The following GALNT1 variants were observed in gnomAD, a reference collection of about 807,000 sequenced individuals.
GALNT1 encodes the protein polypeptide N-acetylgalactosaminyltransferase 1.
Under a neutral mutation model 65.7 loss-of-function variants are expected in GALNT1, and 17 were observed. The observed-to-expected ratio is 0.26, with a 90% confidence interval of 0.18 to 0.39. GALNT1 has a LOEUF of 0.39. GALNT1 is among the 10% of genes least tolerant of loss of function. The pLI is 1.00. For missense variants in GALNT1, 460 were observed against 672.8 expected (o/e 0.68, Z 3.50); for synonymous variants, 210 against 219.7 (o/e 0.96, Z 0.39).
chr18:35,689,452 A>G (rs930341084), intron 7 of GALNT1, among the ~76,000 whole-genome samples, 162 bp downstream of exon 7: 2 of 152,214 alleles, frequency 1.3e-5, no homozygotes, highest in Non-Finnish European at 2.9e-5. Flanking sequence ...GTAAGGGTTC[A>G]TTATAAACTA....
intron 3 of GALNT1, among the ~76,000 whole-genome samples, chr18:35,672,968 G>A (rs1313320509): frequency 6.6e-6 from 1 of 152,150 alleles, no homozygotes; most frequent in Non-Finnish European, 1.5e-5. Context: ...TAGTTAGTAA[G>A]TGACGCAAGT....
intron 2 of GALNT1, among the ~76,000 whole-genome samples, chr18:35,656,796 C>T (rs760693663): frequency 1.3e-5 from 2 of 151,982 alleles, no homozygotes; most frequent in East Asian, 1.9e-4. Flanking sequence ...TGGAAGAGGA[C>T]GAGGCAGGTA....
rs529626865 is a variant in GALNT1 at position 35,638,518 on chromosome 18, G to A, written c.-103-16042G>A. Among the ~76,000 whole-genome samples, 9 of 151,026 alleles carry A rather than the reference G, an allele frequency of 6.0e-5. No homozygotes were observed. In the South Asian group the frequency reaches 1.9e-3, roughly 32 times the overall value. The stretch of plus-strand genomic sequence containing the variant: ...CTGCACTCAGATGATTAAAGGCCAG[G>A]TTCTACTAAGTAAACTAAGTTATCT... On this transcript the variant is annotated intron_variant, in intron 1 of 11. Coordinates refer to ENST00000269195, the MANE Select transcript of GALNT1 (RefSeq NM_020474.4).
intron 1 of GALNT1, among the ~76,000 whole-genome samples, chr18:35,587,177 A>G (rs1006247737): frequency 6.6e-6 from 1 of 152,194 alleles, no homozygotes; most frequent in African/African-American, 2.4e-5. Flanking sequence ...GTAGAAATAT[A>G]ATTAACTTTC....
intron 11 of GALNT1, among the ~76,000 whole-genome samples, chr18:35,705,043 C>T (rs1200395742): frequency 6.6e-6 from 1 of 152,128 alleles, no homozygotes; most frequent in East Asian, 1.9e-4. Context: ...GTTGGCCTGG[C>T]TCTCTCTCCT....
At chr18:35,696,809 C>T (rs1018337807) in intron 9 of GALNT1, among the ~76,000 whole-genome samples, 4 of 152,162 alleles carry the variant, frequency 2.6e-5, no homozygotes, top group East Asian at 1.9e-4. Flanking sequence ...CCCTAATGTC[C>T]GTATTCTTTC....
At chr18:35,681,659 A>G (rs1036294113) in intron 4 of GALNT1, among the ~76,000 whole-genome samples, 2 of 152,118 alleles carry the variant, frequency 1.3e-5, no homozygotes, top group African/African-American at 4.8e-5. Context: ...GATCTAAGGT[A>G]CTAAAATATA....
chr18:35,617,333 CAGA>C (rs2046796946), intron 1 of GALNT1, among the ~76,000 whole-genome samples: 1 of 152,140 alleles, frequency 6.6e-6, no homozygotes, highest in South Asian at 2.1e-4. Flanking sequence ...CTTTTGTTCA[CAGA>C]ACACCAGTGT....
At chr18:35,620,700 G>T (rs73946666) in intron 1 of GALNT1, among the ~76,000 whole-genome samples, 2,406 of 151,800 alleles carry the variant, frequency 0.016, 31 homozygotes, top group African/African-American at 0.028. Flanking sequence ...TACTGATAAT[G>T]ATGCACATAA....
At chr18:35,595,612 T>C (rs2143902494) in intron 1 of GALNT1, among the ~76,000 whole-genome samples, 1 of 152,352 alleles carries the variant, frequency 6.6e-6, no homozygotes, top group African/African-American at 2.4e-5. Flanking sequence ...CTCTTTTCTC[T>C]CACCTGATGT....
intron 1 of GALNT1, among the ~76,000 whole-genome samples, chr18:35,642,381 C>G (rs898303930): frequency 1.3e-5 from 2 of 152,104 alleles, no homozygotes; most frequent in African/African-American, 4.8e-5. Flanking sequence ...CTTATAAGCA[C>G]TTCAGAAACA....
intron 2 of GALNT1, among the ~76,000 whole-genome samples, chr18:35,661,807 T>TA (rs1310126529): frequency 1.3e-5 from 2 of 152,194 alleles, no homozygotes; most frequent in Non-Finnish European, 2.9e-5. Flanking sequence ...AGATGGTATA[T>TA]GTATATGTTA....
intron 1 of GALNT1, among the ~76,000 whole-genome samples, chr18:35,628,205 C>A (rs2046946018): frequency 6.6e-6 from 1 of 152,196 alleles, no homozygotes; most frequent in Admixed American, 6.5e-5. Flanking sequence ...TGTCTGACAG[C>A]TTGGAAGAGA....
chr18:35,648,203 A>C (rs944866368), intron 1 of GALNT1, among the ~76,000 whole-genome samples: 1 of 152,182 alleles, frequency 6.6e-6, no homozygotes, highest in Non-Finnish European at 1.5e-5. Flanking sequence ...GCCCTGACTT[A>C]AGATTTTTTG....
intron 1 of GALNT1, among the ~76,000 whole-genome samples, chr18:35,643,939 A>G (rs1189053797): frequency 1.3e-5 from 2 of 152,238 alleles, no homozygotes; most frequent in Non-Finnish European, 2.9e-5. Flanking sequence ...TTTGTTTTGA[A>G]CATACATTAC....
intron 1 of GALNT1, among the ~76,000 whole-genome samples, chr18:35,626,204 A>G (rs979870364): frequency 3.3e-5 from 5 of 152,192 alleles, no homozygotes; most frequent in Admixed American, 1.3e-4. Flanking sequence ...ATGACATGCA[A>G]ACTCACTTTG....
At chr18:35,639,473 A>T (rs2047134274) in intron 1 of GALNT1, among the ~76,000 whole-genome samples, 1 of 152,226 alleles carries the variant, frequency 6.6e-6, no homozygotes, top group South Asian at 2.1e-4. Flanking sequence ...TGTACTGGGA[A>T]TCCAAAATAT....
At chr18:35,680,447 A>G (rs1400907517) in intron 4 of GALNT1, among the ~76,000 whole-genome samples, 1 of 152,234 alleles carries the variant, frequency 6.6e-6, no homozygotes, top group Non-Finnish European at 1.5e-5. Flanking sequence ...AGTAGACTGT[A>G]TACTTTGTCA....
chr18:35,649,938 T>A (rs2047287208), intron 1 of GALNT1, among the ~76,000 whole-genome samples: 1 of 152,210 alleles, frequency 6.6e-6, no homozygotes, highest in South Asian at 2.1e-4. Context: ...TAATGTTGTC[T>A]GTTGTGACAG....
Sources: gnomAD v4.1 joint callset for allele counts (sites outside exome capture counted in the v4.1 genomes callset) on GRCh38, gnomAD v4.1.1 for gene constraint, MANE v1.5 for transcripts, NCBI Gene and HGNC (gene_info 2026-07-23, HGNC 2026-07-21) for gene names.